The following ZNRF1 variants were observed in gnomAD, a reference collection of about 807,000 sequenced individuals.
The protein encoded by ZNRF1 is E3 ubiquitin-protein ligase ZNRF1.
A neutral mutation model predicts 18.4 loss-of-function variants in ZNRF1; 3 were observed. That is an observed-to-expected ratio of 0.16 (90% CI 0.07 to 0.42). The LOEUF (loss-of-function observed/expected upper bound fraction) is 0.42, where lower values mean the gene tolerates loss of function less well. ZNRF1 is among the 10% of genes least tolerant of loss of function. The pLI is 0.99. For missense variants in ZNRF1, 310 were observed against 329.8 expected (o/e 0.94, Z 0.47); for synonymous variants, 157 against 144.2 (o/e 1.09, Z -0.64).
chr16:75,030,218 A>AT (rs1161857511), intron 1 of ZNRF1, among the ~76,000 whole-genome samples: 2 of 152,218 alleles, frequency 1.3e-5, no homozygotes, highest in Non-Finnish European at 2.9e-5. Flanking sequence ...AAATAAACAC[A>AT]TGCATCTATG....
chr16:75,012,648 G>T (rs968886880), intron 1 of ZNRF1, among the ~76,000 whole-genome samples: 1 of 152,188 alleles, frequency 6.6e-6, no homozygotes, highest in Non-Finnish European at 1.5e-5. Flanking sequence ...CCAGAATTAT[G>T]ATATCAAATC....
intron 1 of ZNRF1, among the ~76,000 whole-genome samples, chr16:75,089,333 T>G (rs2036109630): frequency 6.6e-6 from 1 of 152,034 alleles, no homozygotes; most frequent in Non-Finnish European, 1.5e-5. Flanking sequence ...GATCTCAAAC[T>G]CCTGGGCTAA....
intron 1 of ZNRF1, among the ~76,000 whole-genome samples, chr16:75,055,317 A>G (rs2035654894): frequency 6.6e-6 from 1 of 152,184 alleles, no homozygotes; most frequent in Non-Finnish European, 1.5e-5. Context: ...TGTATCACCC[A>G]GGCTTACTAG....
At chr16:75,059,802 C>A (rs1336056432) in intron 1 of ZNRF1, among the ~76,000 whole-genome samples, 2 of 152,086 alleles carry the variant, frequency 1.3e-5, no homozygotes, top group African/African-American at 2.4e-5. Flanking sequence ...TGGATTTGAC[C>A]GCTCCTTTCT....
At chr16:75,104,999 T>A in intron 3 of ZNRF1, 110 bp downstream of exon 3, 1 of 891,884 alleles carries the variant, frequency 1.1e-6, no homozygotes, top group Non-Finnish European at 1.7e-6. Context: ...TCCCCCGACC[T>A]CTGGCTCCGA....
intron 1 of ZNRF1, among the ~76,000 whole-genome samples, chr16:75,042,443 C>CTTTTTTTTTTTTTTTTTTTTTTTTTT (rs56212046): frequency 8.5e-6 from 1 of 116,964 alleles, no homozygotes; most frequent in South Asian, 2.6e-4. Flanking sequence ...CTGTTTCTTT[C>CTTTTTTTTTTTTTTTTTTTTTTTTTT]TTTTTTTTTT....
chr16:75,000,112 T>C lies in ZNRF1; in HGVS notation c.424+17T>C. 11 of 1,592,350 alleles carry C rather than the reference T, an allele frequency of 6.9e-6. No individual in the cohort carries two copies. Among genetic ancestry groups the C allele is most frequent in the Non-Finnish European group, 9.4e-6 (11 of 1,171,042 alleles). On this transcript the variant is annotated intron_variant, in intron 1 of 4. Coordinates refer to ENST00000335325, the MANE Select transcript of ZNRF1 (RefSeq NM_032268.5). ...CGCATAGTGGTGAGTCCGCGGGTGG[T>C]GGAGGCCTCGGAGGGAGGGCGCGCC...
chr16:75,068,629 C>A (rs73614074), intron 1 of ZNRF1, among the ~76,000 whole-genome samples: 3,133 of 152,178 alleles, frequency 0.021, 135 homozygotes, highest in African/African-American at 0.072. Flanking sequence ...AGGAAGACTA[C>A]CCCAGGTGTG....
chr16:75,040,666 G>C (rs2035435641), intron 1 of ZNRF1, among the ~76,000 whole-genome samples: 1 of 139,494 alleles, frequency 7.2e-6, no homozygotes, highest in African/African-American at 2.7e-5. Context: ...GAGTGCAGTG[G>C]CGCAATCTCG....
At chr16:75,066,759 C>T (rs1597891611) in intron 1 of ZNRF1, among the ~76,000 whole-genome samples, 1 of 152,166 alleles carries the variant, frequency 6.6e-6, no homozygotes, top group Admixed American at 6.6e-5. Context: ...CCACCTTGGC[C>T]TCCCAAAGTG....
chr16:75,000,209 C>G (rs758466187), intron 1 of ZNRF1, 114 bp downstream of exon 1: 1 of 1,407,488 alleles, frequency 7.1e-7, no homozygotes, highest in South Asian at 1.2e-5. Context: ...TGTCTGCATT[C>G]CCTTTGGTTC....
chr16:75,104,764 C>G lies in ZNRF1; in HGVS notation c.521-20C>G, dbSNP rs1423204450. On this transcript the variant is annotated intron_variant, in intron 2 of 4. Coordinates refer to ENST00000335325, the MANE Select transcript of ZNRF1 (RefSeq NM_032268.5). ...CACTGGTGACTAACCCTCCTGCACT[C>G]TCCCCTGTCCCCCTTGCAGATGATG... The G allele has an allele frequency of 6.3e-7, 1 of 1,579,226 alleles. No individual in the cohort carries two copies. The highest frequency in any genetic ancestry group is 8.6e-7 in the Non-Finnish European group (1 of 1,162,388).
At chr16:75,082,791 TG>T (rs1240237088) in intron 1 of ZNRF1, among the ~76,000 whole-genome samples, 1 of 152,192 alleles carries the variant, frequency 6.6e-6, no homozygotes, top group Non-Finnish European at 1.5e-5. Context: ...TGAGATCAAG[TG>T]ATCTACCTGC....
chr16:75,002,870 C>G (rs2034870525), intron 1 of ZNRF1, among the ~76,000 whole-genome samples: 1 of 152,200 alleles, frequency 6.6e-6, no homozygotes, highest in South Asian at 2.1e-4. Context: ...ACACGAATTT[C>G]TCTTTCTGAT....
At chr16:75,021,995 A>G (rs962406573) in intron 1 of ZNRF1, among the ~76,000 whole-genome samples, 4 of 151,838 alleles carry the variant, frequency 2.6e-5, no homozygotes, top group Admixed American at 6.6e-5. Context: ...ACTCTTTTGT[A>G]TTTTCCAGTT....
intron 1 of ZNRF1, among the ~76,000 whole-genome samples, chr16:75,070,414 G>T (rs2035856299): frequency 1.3e-5 from 2 of 152,316 alleles, no homozygotes; most frequent in Middle Eastern, 3.4e-3. Context: ...CTGTTCAACA[G>T]TTCTGCAGTG....
intron 1 of ZNRF1, among the ~76,000 whole-genome samples, chr16:75,040,988 T>C (rs2035440925): frequency 6.6e-6 from 1 of 152,224 alleles, no homozygotes; most frequent in Admixed American, 6.5e-5. Flanking sequence ...TATTGCTAAA[T>C]AGTATTCCAT....
At chr16:75,039,651 G>C (rs573382607) in intron 1 of ZNRF1, among the ~76,000 whole-genome samples, 1 of 152,278 alleles carries the variant, frequency 6.6e-6, no homozygotes, top group African/African-American at 2.4e-5. Context: ...TTAATGACTG[G>C]TCCTGGAGCT....
intron 1 of ZNRF1, among the ~76,000 whole-genome samples, chr16:75,061,092 A>G (rs1415028869): frequency 6.6e-6 from 1 of 152,212 alleles, no homozygotes; most frequent in Non-Finnish European, 1.5e-5. Context: ...TTCAGTGTGA[A>G]ATAATAAGCA....
Sources: gnomAD v4.1 joint callset for allele counts (sites outside exome capture counted in the v4.1 genomes callset) on GRCh38, gnomAD v4.1.1 for gene constraint, MANE v1.5 for transcripts, NCBI Gene and HGNC (gene_info 2026-07-23, HGNC 2026-07-21) for gene names.